Variants in CEP135 observed in about 807,000 individuals in gnomAD.
CEP135 encodes centrosomal protein of 135 kDa.
Under a neutral mutation model 157.3 loss-of-function variants are expected in CEP135, and 142 were observed. That is an observed-to-expected ratio of 0.90 (90% CI 0.79 to 1.04). The LOEUF is 1.04. Ranked by LOEUF, CEP135 falls within the 50% of genes least tolerant of loss-of-function variation. The pLI is 0.00. For missense variants in CEP135, 1,317 were observed against 1,309.2 expected, an observed-to-expected ratio of 1.01 and a Z score of -0.09; for synonymous variants, 396 against 439.8, an observed-to-expected ratio of 0.90 and a Z score of 1.25.
intron 5 of CEP135, among the ~76,000 whole-genome samples, chr4:55,958,167 A>C (rs1411006659): frequency 2.0e-5 from 3 of 152,170 alleles, no homozygotes; most frequent in African/African-American, 7.2e-5. Flanking sequence ...GGTGCAGTGG[A>C]TCACGCCTGT....
chr4:56,008,274 TTAGC>T, intron 17 of CEP135, 49 bp from the exon 18 acceptor site: 1 of 1,297,766 alleles, frequency 7.7e-7, no homozygotes, highest in Admixed American at 1.8e-5. Context: ...TTACATAAAT[TTAGC>T]TAAAGACATT....
intron 13 of CEP135, among the ~76,000 whole-genome samples, chr4:55,982,087 T>A (rs1264180501): frequency 1.3e-5 from 2 of 152,060 alleles, no homozygotes; most frequent in Non-Finnish European, 2.9e-5. Flanking sequence ...AAAAAGAAAC[T>A]CTGAAGCACA....
At chr4:55,967,360 A>T (rs1488362683) in intron 8 of CEP135, among the ~76,000 whole-genome samples, 1 of 152,182 alleles carries the variant, frequency 6.6e-6, no homozygotes, top group East Asian at 1.9e-4. Context: ...TGTCTTATTT[A>T]AAGCCTTTGG....
rs1728407686 is a variant in CEP135 at position 55,953,087 on chromosome 4, A to C, written c.116A>C (p.Asp39Ala). Residue 39 changes from aspartate to alanine, a missense_variant and splice_region_variant, in exon 3 of 26, where the codon GAC (aspartate) becomes GCC (alanine). Coordinates refer to ENST00000257287, the MANE Select transcript of CEP135 (RefSeq NM_025009.5). The stretch of plus-strand genomic sequence containing the variant: ...ATTTAAATTTTCTGTTCTTTTAGCG[A>C]CTTAGTTCATACAACTGAGAGCCTT... ...CLPLVEKLFS[D>A]LVHTTESLRQ... 6.4e-7 allele frequency: 1 copy of C among 1,567,012 alleles called. No individual in the cohort carries two copies. The highest frequency in any genetic ancestry group is 1.4e-5 in the African/African-American group (1 of 71,972).
chr4:55,998,613 C>T (rs1309400994), intron 15 of CEP135, among the ~76,000 whole-genome samples: 1 of 152,112 alleles, frequency 6.6e-6, no homozygotes, highest in Admixed American at 6.5e-5. Context: ...ACCTGTAATC[C>T]CAGCACTTTG....
rs1004932002 is a variant in CEP135 at position 56,024,050 on chromosome 4, A to T, written c.3321-451A>T. Among the ~76,000 whole-genome samples the T allele has an allele frequency of 2.8e-5, 4 of 141,948 alleles. No individual in the cohort carries two copies. In the Admixed American group the frequency reaches 2.9e-4, roughly 10 times the overall value. The allele number at this position is 141,948 out of a possible 152,430, so 93.1% of individuals were successfully genotyped here. ...TATGTTATATATTGTATATTTTATA[A>T]TATATGTTACATATATTATATATTA... On this transcript the variant is annotated intron_variant, in intron 24 of 25. Transcript: ENST00000257287.
chr4:55,977,606 T>C (rs1289110548), intron 11 of CEP135, among the ~76,000 whole-genome samples: 1 of 152,274 alleles, frequency 6.6e-6, no homozygotes, highest in Non-Finnish European at 1.5e-5. Flanking sequence ...TGTTTTGATC[T>C]ATGTATACAT....
At chr4:55,971,500 C>T (rs769631189) in intron 10 of CEP135, 92 bp downstream of exon 10, 43 of 1,236,448 alleles carry the variant, frequency 3.5e-5, no homozygotes, top group Non-Finnish European at 4.5e-5. Flanking sequence ...TTCATTCATT[C>T]AATAAATATT....
At chr4:55,988,397 C>T (rs1309933716) in intron 14 of CEP135, among the ~76,000 whole-genome samples, 7 of 152,156 alleles carry the variant, frequency 4.6e-5, no homozygotes, top group East Asian at 1.9e-4. Flanking sequence ...TGATGGCTTA[C>T]GCTTGTAATC....
chr4:55,994,345 A>G (rs946418918), intron 15 of CEP135, among the ~76,000 whole-genome samples: 2 of 152,178 alleles, frequency 1.3e-5, no homozygotes, highest in Non-Finnish European at 2.9e-5. Flanking sequence ...CCAGGAATTC[A>G]AGAGCAGCCT....
intron 14 of CEP135, among the ~76,000 whole-genome samples, chr4:55,987,290 T>C (rs1383584434): frequency 6.6e-6 from 1 of 152,174 alleles, no homozygotes; most frequent in Non-Finnish European, 1.5e-5. Context: ...TCCCTGGCCT[T>C]GGGTAGTTTA....
chr4:55,997,563 C>T (rs549718070), intron 15 of CEP135, among the ~76,000 whole-genome samples: 47 of 152,268 alleles, frequency 3.1e-4, no homozygotes, highest in African/African-American at 1.1e-3. Flanking sequence ...TTCTCTTTCA[C>T]GTAGAGGAGG....
chr4:55,957,465 C>T, intron 5 of CEP135, 101 bp downstream of exon 5: 1 of 1,068,070 alleles, frequency 9.4e-7, no homozygotes, highest in Non-Finnish European at 1.3e-6. Flanking sequence ...TGTTGTGTCT[C>T]CAGTGTCTAG....
chr4:56,001,170 G>A (rs1365067421), intron 17 of CEP135, among the ~76,000 whole-genome samples: 1 of 152,052 alleles, frequency 6.6e-6, no homozygotes, highest in Non-Finnish European at 1.5e-5. Context: ...CTTGTCAGAT[G>A]GATAGTTTGC....
intron 14 of CEP135, among the ~76,000 whole-genome samples, chr4:55,989,100 CTAAT>C (rs1245097014): frequency 6.6e-6 from 1 of 152,068 alleles, no homozygotes; most frequent in Non-Finnish European, 1.5e-5. Context: ...TGATTATTCA[CTAAT>C]TGTTTCTCAG....
At chr4:55,957,977 G>A (rs993603283) in intron 5 of CEP135, among the ~76,000 whole-genome samples, 1 of 152,172 alleles carries the variant, frequency 6.6e-6, no homozygotes, top group Non-Finnish European at 1.5e-5. Flanking sequence ...AATTATAAGA[G>A]GCTCAAAGGA....
At position 56,019,720 on chromosome 4, in the gene CEP135, G is replaced by C. The variant is rs78737826; in HGVS notation, c.3215+165G>C. Among the ~76,000 whole-genome samples the C allele has an allele frequency of 0.021, 3,173 of 152,044 alleles. 115 individuals carry two copies. The highest frequency in any genetic ancestry group is 0.073 in the African/African-American group (3,022 of 41,450). The stretch of plus-strand genomic sequence containing the variant: ...GGAGGCCAAGGCGGGTAGATTGCCT[G>C]AGCTCAGGAGTTTGAGACTAGCCTG... On this transcript the variant is annotated intron_variant, in intron 23 of 25. Transcript: ENST00000257287.
chr4:56,001,929 G>T (rs1560417203), intron 17 of CEP135, among the ~76,000 whole-genome samples: 1 of 151,788 alleles, frequency 6.6e-6, no homozygotes, highest in African/African-American at 2.4e-5. Flanking sequence ...TCTTTCATCA[G>T]TGTTTTGTAG....
At chr4:56,009,928 G>A (rs775330782) in intron 19 of CEP135, 25 bp downstream of exon 19, 2 of 1,602,234 alleles carry the variant, frequency 1.2e-6, no homozygotes, top group Non-Finnish European at 1.7e-6. Flanking sequence ...CATAAATTTT[G>A]ATAGTTTTAT....
Sources: gnomAD v4.1 joint callset for allele counts (sites outside exome capture counted in the v4.1 genomes callset) on GRCh38, gnomAD v4.1.1 for gene constraint, MANE v1.5 for transcripts, NCBI Gene and HGNC (gene_info 2026-07-23, HGNC 2026-07-21) for gene names.